Variants in TARS3 observed in about 807,000 individuals in gnomAD.
TARS3 encodes threonyl-tRNA synthetase 3.
A neutral mutation model predicts 103.5 loss-of-function variants in TARS3; 94 were observed. The observed-to-expected ratio is 0.91, with a 90% CI of 0.77 to 1.08. TARS3 has a LOEUF of 1.08. Ranked by LOEUF, TARS3 falls within the 50% of genes least tolerant of loss-of-function variation. The pLI, the probability that TARS3 is intolerant of heterozygous loss-of-function variation, is 0.00. For synonymous variants in TARS3, 416 were observed against 355.4 expected (o/e 1.17, Z -1.92); for missense variants, 952 against 995.2 (o/e 0.96, Z 0.58).
intron 15 of TARS3, among the ~76,000 whole-genome samples, chr15:101,665,420 AC>A (rs2141384999): frequency 1.3e-5 from 2 of 152,326 alleles, no homozygotes; most frequent in Admixed American, 1.3e-4. Context: ...AAAAAATAAA[AC>A]CCCCAAACTA....
At chr15:101,706,363 AAAG>A (rs1178699684) in intron 6 of TARS3, among the ~76,000 whole-genome samples, 9 of 152,208 alleles carry the variant, frequency 5.9e-5, no homozygotes, top group Admixed American at 3.3e-4. Context: ...AATGTTGCAA[AAAG>A]AAGAAGAAAA....
chr15:101,724,007 C>T (rs1016616981), intron 1 of TARS3, 84 bp downstream of exon 1: 54 of 1,244,078 alleles, frequency 4.3e-5, no homozygotes, highest in Non-Finnish European at 5.4e-5. Context: ...CCCGCACCTG[C>T]CCCCGCAGTT....
At chr15:101,716,855 ATT>A (rs34234379) in intron 3 of TARS3, among the ~76,000 whole-genome samples, 8 of 131,620 alleles carry the variant, frequency 6.1e-5, no homozygotes, top group African/African-American at 8.6e-5. Context: ...CTACAATGTA[ATT>A]TTTTTTTTTT....
chr15:101,657,763 C>T, intron 17 of TARS3, 22 bp downstream of exon 17: 1 of 1,555,550 alleles, frequency 6.4e-7, no homozygotes, highest in Non-Finnish European at 8.8e-7. Context: ...TTATTATGTA[C>T]TTTAAACACC....
chr15:101,692,649 G>A (rs1232297223), intron 10 of TARS3, among the ~76,000 whole-genome samples: 1 of 148,722 alleles, frequency 6.7e-6, no homozygotes, highest in Non-Finnish European at 1.5e-5. Flanking sequence ...CAAGCTCTCT[G>A]TGGGTTCTAG....
chr15:101,669,753 C>T (rs2141389229), intron 15 of TARS3, among the ~76,000 whole-genome samples: 1 of 152,298 alleles, frequency 6.6e-6, no homozygotes, highest in African/African-American at 2.4e-5. Context: ...CCATATTAGC[C>T]TAGGTATGTA....
At chr15:101,694,816 C>G (rs775376941) in intron 10 of TARS3, among the ~76,000 whole-genome samples, 27 of 152,274 alleles carry the variant, frequency 1.8e-4, no homozygotes, top group Admixed American at 3.3e-4. Context: ...AGCCTATGAA[C>G]CCATTTATAT....
At chr15:101,722,139 CCTAT>C (rs1241984975) in intron 2 of TARS3, among the ~76,000 whole-genome samples, 1 of 152,096 alleles carries the variant, frequency 6.6e-6, no homozygotes, top group Admixed American at 6.5e-5. Context: ...CTCCTCTCTG[CCTAT>C]CTAACTTCTC....
At chr15:101,719,000 T>A (rs1354420271) in intron 3 of TARS3, among the ~76,000 whole-genome samples, 1 of 152,146 alleles carries the variant, frequency 6.6e-6, no homozygotes, top group Non-Finnish European at 1.5e-5. Context: ...GCACTTCAGA[T>A]GTGACAAGTG....
At position 101,701,094 on chromosome 15, in the gene TARS3, A is replaced by C. The variant is rs1209007397; in HGVS notation, c.1312T>G (p.Phe438Val). 3.2e-6 allele frequency: 5 copies of C among 1,545,228 alleles called. No homozygotes were observed. The highest frequency in any genetic ancestry group is 4.4e-6 in the Non-Finnish European group (5 of 1,149,398). ...TTTTAAAGTTAACTTACTCGTATGA[A>C]ATCTGTAAGCGTATTATAAATGAAG... ...GAFIYNTLTD[F>V]IREEYHKRDF... Residue 438 changes from phenylalanine to valine, a missense_variant, in exon 10 of 19, where the codon TTC becomes GTC. Phe to Val is a conservative substitution (Grantham distance 50). This residue lies in a region of TARS3 where 540 missense variants were observed against 631.0 expected (regional missense o/e 0.86). Coordinates refer to ENST00000335968, the MANE Select transcript of TARS3 (RefSeq NM_152334.3).
intron 13 of TARS3, 22 bp from the exon 14 acceptor site, chr15:101,671,770 G>A: frequency 6.2e-7 from 1 of 1,600,344 alleles, no homozygotes; most frequent in Non-Finnish European, 8.5e-7. Flanking sequence ...GAAGAAAAAA[G>A]ATACAATTAT....
At position 101,654,738 on chromosome 15, in the gene TARS3, A is replaced by G. The variant is rs1441880908; in HGVS notation, c.2261-8T>C. 2 of 1,610,764 alleles carry G rather than the reference A, an allele frequency of 1.2e-6. No homozygotes were observed. The highest frequency in any genetic ancestry group is 2.7e-5 in the African/African-American group (2 of 74,776). On this transcript the variant is annotated splice_polypyrimidine_tract_variant and splice_region_variant and intron_variant, in intron 18 of 18. Coordinates refer to ENST00000335968, the MANE Select transcript of TARS3 (RefSeq NM_152334.3). ...TTTCCTTTTCTCCAACCACTGCAGA[A>G]AAGAAAGGTAAAGAAATGTATTTTA...
rs1319213846 is a variant in TARS3 at position 101,654,322 on chromosome 15, T to A, written c.*260A>T. 7 of 363,534 alleles carry A rather than the reference T, an allele frequency of 1.9e-5. 1 individual carries two copies. In the East Asian group the frequency reaches 3.2e-4, roughly 17 times the overall value. 22.5% of individuals were successfully genotyped at this position (363,534 alleles called of 1,614,324 possible). A position where few individuals can be genotyped will look rare whatever the true frequency, so the allele number is the denominator to read the frequency against. The stretch of plus-strand genomic sequence containing the variant: ...CTAGTGTTTTGTTTCACTTTCTCGA[T>A]GAATAATATTTCCCCATTTAAGTTT... On this transcript the variant is annotated 3_prime_UTR_variant, in exon 19 of 19. Coordinates refer to ENST00000335968, the MANE Select transcript of TARS3 (RefSeq NM_152334.3).
At chr15:101,703,715 T>C (rs1175851138) in intron 8 of TARS3, 144 bp downstream of exon 8, 2 of 611,618 alleles carry the variant, frequency 3.3e-6, no homozygotes, top group African/African-American at 3.8e-5. Context: ...ATGATTTTAT[T>C]AGTTTTCATC....
intron 5 of TARS3, 44 bp from the exon 6 acceptor site, chr15:101,708,954 A>G (rs769082722): frequency 3.2e-6 from 4 of 1,254,194 alleles, no homozygotes. Flanking sequence ...TCCAGACATT[A>G]TGCATTCCCT....
chr15:101,716,256 T>C (rs1900153919), intron 3 of TARS3, among the ~76,000 whole-genome samples: 1 of 151,846 alleles, frequency 6.6e-6, no homozygotes, highest in African/African-American at 2.4e-5. Flanking sequence ...TGTTGATCTC[T>C]TTCTTTCTGT....
chr15:101,669,426 T>G (rs1271702649), intron 15 of TARS3, among the ~76,000 whole-genome samples: 6 of 152,070 alleles, frequency 3.9e-5, no homozygotes, highest in Admixed American at 2.6e-4. Context: ...AAGAAAAAAA[T>G]TATTTAAATT....
Position 101,688,533 on chromosome 15 carries a change from A to C in TARS3, c.1321-2471T>G, listed in dbSNP as rs1456843703. On this transcript the variant is annotated intron_variant, in intron 10 of 18. Transcript: ENST00000335968. ...TACCTAGTGATCTGGCCACTTAAAA[A>C]CATCTAAATAGCTTCTAAGAATCAG... Among the ~76,000 whole-genome samples, 4 of 152,308 alleles carry C rather than the reference A, an allele frequency of 2.6e-5. No homozygotes were observed. In the East Asian group the frequency reaches 7.7e-4, roughly 29 times the overall value.
At chr15:101,675,959 A>C (rs1321903553) in intron 12 of TARS3, among the ~76,000 whole-genome samples, 1 of 147,072 alleles carries the variant, frequency 6.8e-6, no homozygotes, top group Non-Finnish European at 1.5e-5. Flanking sequence ...GTACTGTGAA[A>C]AGGCAGCGCC....
Sources: allele counts gnomAD v4.1 joint callset (sites outside exome capture counted in the v4.1 genomes callset), GRCh38; gene constraint gnomAD v4.1.1; regional missense constraint gnomAD v4.1.1; transcripts MANE v1.5; gene names NCBI Gene and HGNC (gene_info 2026-07-23, HGNC 2026-07-21).